The following RAB33A variants were observed in gnomAD, a reference collection of about 807,000 sequenced individuals.
The protein encoded by RAB33A is RAB33A, member RAS oncogene family.
Under a neutral mutation model 12.0 loss-of-function variants are expected in RAB33A, and 6 were observed. The observed-to-expected ratio is 0.50, with a 90% CI of 0.27 to 0.99. The LOEUF (loss-of-function observed/expected upper bound fraction) is 0.99, where lower values mean the gene tolerates loss of function less well. Ranked by LOEUF, RAB33A falls within the 50% of genes least tolerant of loss-of-function variation. The pLI is 0.11. For synonymous variants in RAB33A, 70 were observed against 82.4 expected (o/e 0.85, Z 0.81); for missense variants, 109 against 192.0 (o/e 0.57, Z 2.55).
the RAB33A span, chrX:130,165,877 G>A: frequency 2.9e-5 from 13 of 450,304 alleles, no homozygotes; most frequent in Admixed American, 3.6e-4. Flanking sequence ...CGTAGCACTC[G>A]CTGCCGCATT....
the RAB33A span, among the ~76,000 whole-genome samples, chrX:130,158,535 G>A: frequency 3.6e-5 from 4 of 110,049 alleles, no homozygotes; most frequent in African/African-American, 9.9e-5. Context: ...AAGTTCCCAG[G>A]GGATGCTGCT....
Position 130,184,797 on chromosome X carries a change from T to G in RAB33A, c.*57T>G. On this transcript the variant is annotated 3_prime_UTR_variant, in exon 2 of 2. Transcript: ENST00000257017. The stretch of plus-strand genomic sequence containing the variant: ...CACTGGAGTTTTTTCTTTCCCTTTT[T>G]TCTGTGCCTGCATAATGCTGACACC... The G allele has an allele frequency of 9.5e-7, 1 of 1,052,963 alleles. No homozygotes were observed. Among genetic ancestry groups the G allele is most frequent in the Non-Finnish European group, 1.3e-6 (1 of 773,393 alleles). 86.8% of individuals were successfully genotyped at this position (1,052,963 alleles called of 1,213,427 possible). A position where few individuals can be genotyped will look rare whatever the true frequency, so the allele number is the denominator to read the frequency against.
chrX:130,129,236 C>G, the RAB33A span: 2 of 307,925 alleles, frequency 6.5e-6, no homozygotes, highest in Admixed American at 9.7e-5. Flanking sequence ...AGTTTTGCGT[C>G]TGGAGTAGGG....
chrX:130,129,620 C>T, the RAB33A span: 12 of 1,206,477 alleles, frequency 9.9e-6, no homozygotes, highest in East Asian at 3.3e-4. Context: ...GCTCACCGTC[C>T]TTAATGATCT....
the RAB33A span, among the ~76,000 whole-genome samples, chrX:130,127,065 A>G: frequency 1.9e-4 from 21 of 108,606 alleles, no homozygotes; most frequent in Admixed American, 2.0e-3. Flanking sequence ...GTGTGTGTGT[A>G]TGTCCATATT....
chrX:130,127,141 G>A, the RAB33A span, among the ~76,000 whole-genome samples: 4 of 111,539 alleles, frequency 3.6e-5, no homozygotes, highest in Non-Finnish European at 7.5e-5. Flanking sequence ...TGAACTTGAT[G>A]TGGTTGGTGA....
the RAB33A span, among the ~76,000 whole-genome samples, chrX:130,127,691 C>CTTTTT: frequency 1.0e-4 from 8 of 76,998 alleles, 1 homozygote; most frequent in African/African-American, 2.9e-4. Flanking sequence ...ATGAGTTTTC[C>CTTTTT]TTTTTTTTTT....
chrX:130,133,681 T>G, the RAB33A span, among the ~76,000 whole-genome samples: 3 of 109,268 alleles, frequency 2.7e-5, no homozygotes, highest in East Asian at 8.6e-4. Context: ...TGGGCTGGAG[T>G]GCAGTGGTGC....
the RAB33A span, among the ~76,000 whole-genome samples, chrX:130,124,721 TG>T: frequency 8.9e-5 from 10 of 112,266 alleles, no homozygotes; most frequent in Non-Finnish European, 9.4e-5. Context: ...AGGCGCCCCA[TG>T]GGGGAACTAT....
At chrX:130,126,463 C>T in the RAB33A span, among the ~76,000 whole-genome samples, 1 of 107,236 alleles carries the variant, frequency 9.3e-6, no homozygotes, top group South Asian at 4.2e-4. Context: ...TGCACTCCAG[C>T]CTGGGCAACA....
the RAB33A span, among the ~76,000 whole-genome samples, chrX:130,153,060 C>T: frequency 1.8e-5 from 2 of 109,203 alleles, no homozygotes; most frequent in South Asian, 4.0e-4. Context: ...AGGCTGGGCA[C>T]GGTGGCTCAC....
chrX:130,120,004 C>T, the RAB33A span, among the ~76,000 whole-genome samples: 2 of 111,740 alleles, frequency 1.8e-5, no homozygotes, highest in Non-Finnish European at 3.8e-5. Flanking sequence ...AACTTTTCCC[C>T]ACAGGTTCTG....
At chrX:130,132,932 AGAC>A in the RAB33A span, among the ~76,000 whole-genome samples, 1 of 110,032 alleles carries the variant, frequency 9.1e-6, no homozygotes, top group Non-Finnish European at 1.9e-5. Context: ...TTTTTAGTAG[AGAC>A]GGGGTTTCAC....
the RAB33A span, among the ~76,000 whole-genome samples, chrX:130,132,686 A>G: frequency 3.6e-5 from 4 of 111,181 alleles, no homozygotes; most frequent in East Asian, 1.1e-3. Flanking sequence ...TAGAGGCATG[A>G]GCAACCATAC....
At chrX:130,120,416 T>C in the RAB33A span, among the ~76,000 whole-genome samples, 1 of 110,990 alleles carries the variant, frequency 9.0e-6, no homozygotes, top group Non-Finnish European at 1.9e-5. Flanking sequence ...AGATGCGTTC[T>C]AAGTCTCATG....
chrX:130,156,435 T>C, the RAB33A span: 2 of 1,211,021 alleles, frequency 1.7e-6, no homozygotes, highest in African/African-American at 3.5e-5. Flanking sequence ...TGGCAGCTTC[T>C]TTATACACGC....
At chrX:130,117,612 C>T in the RAB33A span, among the ~76,000 whole-genome samples, 2 of 112,429 alleles carry the variant, frequency 1.8e-5, no homozygotes, top group South Asian at 7.3e-4. Flanking sequence ...TAGGCAGAGT[C>T]AGCAAATGAG....
At chrX:130,159,123 C>T in the RAB33A span, among the ~76,000 whole-genome samples, 3,172 of 111,733 alleles carry the variant, frequency 0.028, 99 homozygotes, top group African/African-American at 0.093. Flanking sequence ...TGACCAATCA[C>T]GCTAAGTGAT....
At chrX:130,183,556 A>G (rs1338754027) in intron 1 of RAB33A, among the ~76,000 whole-genome samples, 2 of 106,886 alleles carry the variant, frequency 1.9e-5, no homozygotes, top group Non-Finnish European at 3.8e-5. Flanking sequence ...CACGGTCTCA[A>G]AAAAAAAAAT....
Sources: allele counts gnomAD v4.1 joint callset (sites outside exome capture counted in the v4.1 genomes callset), GRCh38; gene constraint gnomAD v4.1.1; transcripts MANE v1.5; gene names NCBI Gene and HGNC (gene_info 2026-07-23, HGNC 2026-07-21).